Variants in BCL9 observed in about 807,000 individuals in gnomAD.
The protein encoded by BCL9 is BCL9 transcription coactivator.
In BCL9, 25 loss-of-function variants were observed where a neutral mutation model predicts 88.5. The observed-to-expected ratio is 0.28, with a 90% CI of 0.21 to 0.39. BCL9 has a LOEUF of 0.39. BCL9 is among the 10% of genes least tolerant of loss of function. BCL9 has a pLI of 1.00. For synonymous variants in BCL9, 711 were observed against 673.3 expected, an observed-to-expected ratio of 1.06 and a Z score of -0.87; for missense variants, 1,817 against 1,877.8, an observed-to-expected ratio of 0.97 and a Z score of 0.60.
At chr1:147,580,315 C>T (rs1414690468) in intron 1 of BCL9, among the ~76,000 whole-genome samples, 1 of 152,198 alleles carries the variant, frequency 6.6e-6, no homozygotes. Context: ...AGACACCTAA[C>T]ACACATCTGA....
chr1:147,615,843 G>A lies in BCL9; in HGVS notation c.601G>A (p.Val201Ile), dbSNP rs782599827. ...AVLKGQVETI[V>I]SFHIQNISNN... ...TTTGAAGGGCCAGGTTGAAACTATCGTCTCTTTCCACATCCAGAACATTTC... is the reference window on the plus strand; with the variant it reads ...TTTGAAGGGCCAGGTTGAAACTATCATCTCTTTCCACATCCAGAACATTTC... Residue 201 changes from valine to isoleucine, a missense_variant, in exon 7 of 10, where the codon GTC becomes ATC. By Grantham distance (29) the Val-to-Ile change is conservative. Transcript: ENST00000234739. The A allele has an allele frequency of 3.5e-5, 57 of 1,614,120 alleles. No individual in the cohort carries two copies. Among genetic ancestry groups the A allele is most frequent in the South Asian group, 1.1e-4 (10 of 91,082 alleles).
chr1:147,562,645 G>T (rs1471561026), intron 1 of BCL9, among the ~76,000 whole-genome samples: 1 of 152,126 alleles, frequency 6.6e-6, no homozygotes, highest in Admixed American at 6.6e-5. Flanking sequence ...CTGACTTGAT[G>T]GGATTTGGGA....
chr1:147,602,731 G>A (rs1323355975), intron 1 of BCL9, among the ~76,000 whole-genome samples: 1 of 152,202 alleles, frequency 6.6e-6, no homozygotes, highest in African/African-American at 2.4e-5. Flanking sequence ...AGTTCTCATT[G>A]TATAAGGCAA....
At chr1:147,606,317 T>C (rs1299886781) in intron 2 of BCL9, among the ~76,000 whole-genome samples, 1 of 152,194 alleles carries the variant, frequency 6.6e-6, no homozygotes, top group Non-Finnish European at 1.5e-5. Flanking sequence ...TTGCTGGATG[T>C]AGAGTTATGG....
Position 147,620,753 on chromosome 1 carries a change from C to A in BCL9, c.2598C>A (p.Pro866=). 6.2e-7 allele frequency: 1 copy of A among 1,614,088 alleles called. No individual in the cohort carries two copies. The highest frequency in any genetic ancestry group is 8.5e-7 in the Non-Finnish European group (1 of 1,180,036). ...CAGGCATTAACCCTCTGAAGTCTCCCACGATGCACCAAGTCCAGTCACCAA... is the reference window on the plus strand; with the variant it reads ...CAGGCATTAACCCTCTGAAGTCTCCAACGATGCACCAAGTCCAGTCACCAA... ...HSPGINPLKS[P]TMHQVQSPML... Residue 866 remains proline, a synonymous_variant, in exon 8 of 10, where the codon CCC becomes CCA. Transcript: ENST00000234739.
At chr1:147,586,887 GT>G (rs1656628230) in intron 1 of BCL9, among the ~76,000 whole-genome samples, 1 of 152,054 alleles carries the variant, frequency 6.6e-6, no homozygotes, top group Non-Finnish European at 1.5e-5. Flanking sequence ...AAGATGCTCT[GT>G]TTTACAATTC....
rs587623382 is a variant in BCL9 at position 147,625,426 on chromosome 1, G to A, written c.*467G>A. 3 of 231,754 alleles carry A rather than the reference G, an allele frequency of 1.3e-5. No individual in the cohort carries two copies. The highest frequency in any genetic ancestry group is 3.5e-4 in the South Asian group (2 of 5,718). The allele number at this position is 231,754 out of a possible 1,614,324, so 14.4% of individuals were successfully genotyped here. A position where few individuals can be genotyped will look rare whatever the true frequency, so the allele number is the denominator to read the frequency against. On this transcript the variant is annotated 3_prime_UTR_variant, in exon 10 of 10. Transcript: ENST00000234739. Reference sequence around the variant, plus strand: ...GAGACTTTAGTCTTTGGGGCAAGAGGAGAACAGGAATGCTGGGCTGTTTAC... The same window carrying A: ...GAGACTTTAGTCTTTGGGGCAAGAGAAGAACAGGAATGCTGGGCTGTTTAC...
chr1:147,564,870 G>A (rs185383662), intron 1 of BCL9, among the ~76,000 whole-genome samples: 4 of 151,728 alleles, frequency 2.6e-5, no homozygotes, highest in East Asian at 1.9e-4. Flanking sequence ...ATATCTACCC[G>A]GTCCAATATG....
At chr1:147,583,008 C>T (rs587775054) in intron 1 of BCL9, among the ~76,000 whole-genome samples, 24 of 152,206 alleles carry the variant, frequency 1.6e-4, no homozygotes, top group African/African-American at 5.8e-4. Context: ...CGTAACAGGC[C>T]CTCATGAAAA....
chr1:147,603,550 G>A (rs752933307), intron 1 of BCL9, among the ~76,000 whole-genome samples: 150 of 152,210 alleles, frequency 9.9e-4, no homozygotes, highest in Non-Finnish European at 1.9e-3. Flanking sequence ...TGCCCAGGCT[G>A]GAGTGCAGTG....
chr1:147,614,471 A>G lies in BCL9; in HGVS notation c.415A>G (p.Thr139Ala), dbSNP rs1553203365. Residue 139 changes from threonine (T) to alanine (A), a missense_variant, in exon 6 of 10, where the codon ACA becomes GCA. By Grantham distance (58) the Thr-to-Ala change is moderately conservative. This residue lies in a region of BCL9 where 1,228 missense variants were observed against 1,191.6 expected (regional missense o/e 1.03). Coordinates refer to ENST00000234739, the MANE Select transcript of BCL9 (RefSeq NM_004326.4). The part of the protein sequence containing the change: ...DHIKSQDSQH[T>A]PHSMTPSNAT... ...CATAAAGTCCCAGGATTCCCAGCAC[A>G]CACCACACTCGATGACCCCATCAAA... 6.2e-7 allele frequency: 1 copy of G among 1,613,976 alleles called. No individual in the cohort carries two copies. The highest frequency in any genetic ancestry group is 1.3e-5 in the African/African-American group (1 of 74,890).
At chr1:147,570,658 G>C (rs1300127097) in intron 1 of BCL9, among the ~76,000 whole-genome samples, 1 of 72,408 alleles carries the variant, frequency 1.4e-5, no homozygotes, top group Non-Finnish European at 3.0e-5. Flanking sequence ...TTTTGTAGAT[G>C]GAGTTTTGCT....
chr1:147,575,765 GT>G (rs1354112344), intron 1 of BCL9, among the ~76,000 whole-genome samples: 2 of 152,046 alleles, frequency 1.3e-5, no homozygotes, highest in African/African-American at 4.8e-5. Context: ...AGATTTTTGT[GT>G]GCATATTCAA....
chr1:147,600,171 G>A (rs1160227868), intron 1 of BCL9: 6 of 158,848 alleles, frequency 3.8e-5, no homozygotes, highest in Non-Finnish European at 6.8e-5. Flanking sequence ...GCCTATGTGT[G>A]CTTGCCGGAG....
intron 3 of BCL9, among the ~76,000 whole-genome samples, chr1:147,609,215 A>G (rs782400415): frequency 6.6e-6 from 1 of 152,192 alleles, no homozygotes; most frequent in Non-Finnish European, 1.5e-5. Flanking sequence ...AGGTGGTTAA[A>G]CAGTTGAACT....
At chr1:147,554,057 C>T (rs1318459852) in intron 1 of BCL9, among the ~76,000 whole-genome samples, 1 of 152,014 alleles carries the variant, frequency 6.6e-6, no homozygotes, top group African/African-American at 2.4e-5. Flanking sequence ...CACTGTGCAC[C>T]AGCAGTCAGA....
Position 147,619,015 on chromosome 1 carries a change from C to G in BCL9, c.860C>G (p.Pro287Arg). The G allele has an allele frequency of 1.2e-6, 2 of 1,609,984 alleles. No individual in the cohort carries two copies. Among genetic ancestry groups the G allele is most frequent in the Middle Eastern group, 3.3e-4 (2 of 6,020 alleles). Residue 287 changes from proline to arginine, a missense_variant, in exon 8 of 10, where the codon CCT (proline) becomes CGT (arginine). Transcript: ENST00000234739. The surrounding 1 kb of genome is among the most constrained non-coding windows in gnomAD (Gnocchi z 4.1). ...CCTGGGGTAGAAAACAAACTGATTC[C>G]TTCTGTAGGAAGTCCTGCCAGCTCC... is the stretch of plus-strand genomic sequence containing the variant. Reference protein sequence around the residue: ...ESPGVENKLIPSVGSPASSTP... With the variant: ...ESPGVENKLIRSVGSPASSTP...
intron 1 of BCL9, among the ~76,000 whole-genome samples, chr1:147,549,243 CT>C (rs1406346693): frequency 1.3e-5 from 2 of 152,134 alleles, no homozygotes. Context: ...TCCCAAAGTG[CT>C]GGGATTACAG....
rs782485041 is a variant in BCL9 at position 147,624,766 on chromosome 1, G to A, written c.4088G>A (p.Arg1363Gln). The change falls in exon 10 of 10, where the codon CGG becomes CAG. Residue 1363 changes from arginine to glutamine, a missense_variant. Physicochemically the swap from Arg to Gln is conservative, Grantham distance 43 (BLOSUM62 1). Transcript: ENST00000234739. This position sits in a 1 kb window ranked among gnomAD's most constrained non-coding sequence, Gnocchi z 4.4. ...AAVGMIPGKD[R>Q]GPAGLYTHPG... ...GTGGGCATGATTCCTGGCAAGGATC[G>A]GGGGCCTGCCGGGCTCTACACCCAC... 17 of 1,613,020 alleles carry A rather than the reference G, an allele frequency of 1.1e-5. No individual in the cohort carries two copies. The highest frequency in any genetic ancestry group is 3.3e-5 in the Admixed American group (2 of 59,942).
Sources: gnomAD v4.1 joint callset for allele counts (sites outside exome capture counted in the v4.1 genomes callset) on GRCh38, gnomAD v4.1.1 for gene constraint, gnomAD v4.1.1 regional missense constraint, Gnocchi (gnomAD v3.1) non-coding constraint, MANE v1.5 for transcripts, NCBI Gene and HGNC (gene_info 2026-07-23, HGNC 2026-07-21) for gene names.